The following RAB9B variants were observed in gnomAD, a reference collection of about 807,000 sequenced individuals.
RAB9B encodes ras-related protein Rab-9B.
A neutral mutation model predicts 8.9 loss-of-function variants in RAB9B; 1 was observed. That is an observed-to-expected ratio of 0.11 (90% confidence interval 0.04 to 0.53). The LOEUF is 0.53. Ranked by LOEUF, RAB9B falls within the 20% of genes least tolerant of loss-of-function variation. The pLI is 0.93. For missense variants in RAB9B, 82 were observed against 152.9 expected (o/e 0.54, Z 2.45); for synonymous variants, 63 against 57.0 (o/e 1.10, Z -0.47).
chrX:103,821,166 CA>C (rs1304497978), downstream of RAB9B, among the ~76,000 whole-genome samples: 29 of 101,100 alleles, frequency 2.9e-4, no homozygotes, highest in South Asian at 4.3e-4. Flanking sequence ...GACCCTGTCT[CA>C]AAAAAAAAAA....
chrX:103,793,086 T>G, the RAB9B span, among the ~76,000 whole-genome samples: 1 of 112,130 alleles, frequency 8.9e-6, no homozygotes, highest in Non-Finnish European at 1.9e-5. Flanking sequence ...TAGTTTTATT[T>G]GGATAGTACT....
rs919406691 is a variant in RAB9B at position 103,823,454 on chromosome X, T to C, written c.*1725A>G. 1 of 112,078 alleles carries C rather than the reference T, an allele frequency of 8.9e-6. No individual in the cohort carries two copies. Among genetic ancestry groups the C allele is most frequent in the Non-Finnish European group, 1.9e-5 (1 of 53,257 alleles). The allele number at this position is 112,078 out of a possible 1,213,427, so 9.2% of individuals were successfully genotyped here. ...TCCCAGAGCTCTTAAAGCACAAAGGTCCTACATGTAAGTAAGGCTGATTCC... is the reference window on the plus strand; with the variant it reads ...TCCCAGAGCTCTTAAAGCACAAAGGCCCTACATGTAAGTAAGGCTGATTCC... On this transcript the variant is annotated 3_prime_UTR_variant, in exon 3 of 3. Coordinates refer to ENST00000243298, the MANE Select transcript of RAB9B (RefSeq NM_016370.4).
the RAB9B span, among the ~76,000 whole-genome samples, chrX:103,793,625 C>T: frequency 2.7e-5 from 3 of 110,397 alleles, no homozygotes; most frequent in Non-Finnish European, 5.7e-5. Context: ...GTATTTTTGC[C>T]TCAGAGGAAC....
chrX:103,810,240 G>A, the RAB9B span, among the ~76,000 whole-genome samples: 1 of 111,390 alleles, frequency 9.0e-6, no homozygotes, highest in Non-Finnish European at 1.9e-5. Context: ...GCAGGTGGAG[G>A]GATGAAGTGA....
the RAB9B span, among the ~76,000 whole-genome samples, chrX:103,802,375 G>T: frequency 9.0e-6 from 1 of 111,052 alleles, no homozygotes; most frequent in African/African-American, 3.3e-5. Context: ...GCCACCTGAG[G>T]TTCAAATTAA....
chrX:103,798,918 G>T, the RAB9B span, among the ~76,000 whole-genome samples: 1 of 108,538 alleles, frequency 9.2e-6, no homozygotes, highest in East Asian at 2.8e-4. Context: ...GGGATTACAA[G>T]CGTGAGCCAC....
chrX:103,788,946 C>T, the RAB9B span: 1 of 291,210 alleles, frequency 3.4e-6, no homozygotes, highest in Non-Finnish European at 6.1e-6. Context: ...AGGGAAAGCA[C>T]TGTATTGAGA....
chrX:103,786,967 G>A, the RAB9B span: 1 of 425,126 alleles, frequency 2.4e-6, no homozygotes, highest in East Asian at 3.9e-5. Flanking sequence ...GAGTTTTGTG[G>A]GATGCTTTGT....
chrX:103,817,099 TA>T, the RAB9B span, among the ~76,000 whole-genome samples: 2 of 112,178 alleles, frequency 1.8e-5, no homozygotes, highest in East Asian at 5.6e-4. Context: ...CAAAGGATTA[TA>T]AATCATTCTG....
the RAB9B span, among the ~76,000 whole-genome samples, chrX:103,808,236 A>G: frequency 1.8e-5 from 2 of 111,919 alleles, no homozygotes; most frequent in Non-Finnish European, 3.8e-5. Flanking sequence ...TTGAAAAACC[A>G]TTTAGCTTGA....
At chrX:103,819,333 C>T (rs960285221), downstream of RAB9B, among the ~76,000 whole-genome samples, 4 of 111,571 alleles carry the variant, frequency 3.6e-5, no homozygotes, top group East Asian at 2.8e-4. Flanking sequence ...TCATACAGCA[C>T]GAAAGGAACT....
the RAB9B span, among the ~76,000 whole-genome samples, chrX:103,815,427 G>A: frequency 1.8e-5 from 2 of 111,847 alleles, no homozygotes; most frequent in Non-Finnish European, 3.8e-5. Flanking sequence ...TCGATGGAAC[G>A]TATCCCAAAA....
chrX:103,811,802 G>T, the RAB9B span, among the ~76,000 whole-genome samples: 29 of 110,727 alleles, frequency 2.6e-4, no homozygotes, highest in East Asian at 5.4e-3. Context: ...TACCATAGAC[G>T]GGATGGCTTA....
At chrX:103,819,018 G>A (rs1227599279), downstream of RAB9B, among the ~76,000 whole-genome samples, 1 of 111,210 alleles carries the variant, frequency 9.0e-6, no homozygotes, top group Non-Finnish European at 1.9e-5. Flanking sequence ...CAGACTCTAT[G>A]TTGAGCAATA....
At chrX:103,779,483 A>G in the RAB9B span, among the ~76,000 whole-genome samples, 1 of 112,141 alleles carries the variant, frequency 8.9e-6, no homozygotes, top group Admixed American at 9.5e-5. Context: ...AGCCAAAAAT[A>G]AACCAGATCC....
At chrX:103,821,015 A>AC (rs1569434311), downstream of RAB9B, among the ~76,000 whole-genome samples, 3 of 87,802 alleles carry the variant, frequency 3.4e-5, no homozygotes, top group African/African-American at 1.3e-4. Context: ...CACACACACA[A>AC]AGTTAGCTGG....
chrX:103,819,301 C>A (rs995094303), downstream of RAB9B, among the ~76,000 whole-genome samples: 1 of 111,737 alleles, frequency 8.9e-6, no homozygotes, highest in African/African-American at 3.3e-5. Flanking sequence ...TATAGTGAGA[C>A]CATTATACAT....
At chrX:103,789,112 T>C in the RAB9B span, 2 of 458,373 alleles carry the variant, frequency 4.4e-6, no homozygotes, top group South Asian at 3.1e-5. Context: ...TACTGTACTA[T>C]TTCATGACTA....
the RAB9B span, among the ~76,000 whole-genome samples, chrX:103,805,743 T>A: frequency 0.017 from 1,755 of 104,883 alleles, 29 homozygotes; most frequent in African/African-American, 0.054. Context: ...TAGGTTTTTT[T>A]AAAAATAATT....
Sources: allele counts gnomAD v4.1 joint callset (sites outside exome capture counted in the v4.1 genomes callset), GRCh38; gene constraint gnomAD v4.1.1; transcripts MANE v1.5; gene names NCBI Gene and HGNC (gene_info 2026-07-23, HGNC 2026-07-21).